The following BCL9 variants were observed in gnomAD, a reference collection of about 807,000 sequenced individuals.
BCL9 encodes the protein BCL9 transcription coactivator, also known as B-cell CLL/lymphoma 9 protein.
A neutral mutation model predicts 88.5 loss-of-function variants in BCL9; 25 were observed. That is an observed-to-expected ratio of 0.28 (90% CI 0.21 to 0.39). The LOEUF is 0.39. BCL9 is among the 10% of genes least tolerant of loss of function. BCL9 has a pLI of 1.00. For synonymous variants in BCL9, 711 were observed against 673.3 expected, an observed-to-expected ratio of 1.06 and a Z score of -0.87; for missense variants, 1,817 against 1,877.8, an observed-to-expected ratio of 0.97 and a Z score of 0.60.
intron 9 of BCL9, among the ~76,000 whole-genome samples, chr1:147,623,129 C>T (rs1342663052): frequency 6.6e-6 from 1 of 151,868 alleles, no homozygotes; most frequent in Non-Finnish European, 1.5e-5. Flanking sequence ...CATGACTTTT[C>T]AGCCATGAGT....
chr1:147,621,866 G>C (rs1282676720), intron 8 of BCL9, among the ~76,000 whole-genome samples: 1 of 151,926 alleles, frequency 6.6e-6, no homozygotes, highest in Non-Finnish European at 1.5e-5. Flanking sequence ...TTAGTACCTG[G>C]GATCATATCA....
intron 1 of BCL9, among the ~76,000 whole-genome samples, chr1:147,553,534 C>G (rs1273451597): frequency 1.3e-5 from 2 of 152,190 alleles, no homozygotes; most frequent in Non-Finnish European, 2.9e-5. Context: ...ACCTCTGCAT[C>G]TCCAAGAGCA....
At chr1:147,609,685 G>C (rs1254490479) in intron 3 of BCL9, among the ~76,000 whole-genome samples, 1 of 152,234 alleles carries the variant, frequency 6.6e-6, no homozygotes, top group Non-Finnish European at 1.5e-5. Context: ...ATGCTTGGCA[G>C]ATTAATGAGG....
At chr1:147,570,459 C>T (rs1655826901) in intron 1 of BCL9, among the ~76,000 whole-genome samples, 1 of 152,088 alleles carries the variant, frequency 6.6e-6, no homozygotes, top group South Asian at 2.1e-4. Flanking sequence ...TTGGCGAAAG[C>T]AGTTTCTATG....
At chr1:147,571,847 C>T (rs1040590522) in intron 1 of BCL9, among the ~76,000 whole-genome samples, 17 of 152,174 alleles carry the variant, frequency 1.1e-4, no homozygotes, top group African/African-American at 3.9e-4. Context: ...CTTGGTTTTG[C>T]CCCAAACTCC....
intron 1 of BCL9, among the ~76,000 whole-genome samples, chr1:147,581,211 C>T (rs1423397673): frequency 6.6e-6 from 1 of 152,168 alleles, no homozygotes; most frequent in East Asian, 1.9e-4. Flanking sequence ...TCCTTATTGG[C>T]TTCTTCTTAG....
At chr1:147,599,880 GAGGGGGACGAGCGACTTTCCCTGA>G (rs2101587331) in intron 1 of BCL9, among the ~76,000 whole-genome samples, 1 of 151,676 alleles carries the variant, frequency 6.6e-6, no homozygotes, top group Admixed American at 6.5e-5. Context: ...CGCGTCTGGG[GAGGGGGACGAGCGACTTTCCCTGA>G]AGGGGCACGA....
intron 7 of BCL9, among the ~76,000 whole-genome samples, chr1:147,616,369 T>C (rs1658285590): frequency 6.6e-6 from 1 of 152,266 alleles, no homozygotes; most frequent in Non-Finnish European, 1.5e-5. Flanking sequence ...TTCAAAGTGA[T>C]AAGACCATTG....
At chr1:147,597,240 C>T (rs1351142336) in intron 1 of BCL9, among the ~76,000 whole-genome samples, 6 of 152,120 alleles carry the variant, frequency 3.9e-5, no homozygotes, top group African/African-American at 9.7e-5. Flanking sequence ...CACTTGTTGC[C>T]TCAACTTGAA....
intron 1 of BCL9, among the ~76,000 whole-genome samples, chr1:147,589,630 G>T (rs587696545): frequency 6.6e-6 from 1 of 152,248 alleles, no homozygotes; most frequent in Non-Finnish European, 1.5e-5. Flanking sequence ...TAGCAAAGGG[G>T]TTTTGAGGTA....
In BCL9 at chr1:147,621,649, C is replaced by T. The variant is rs140640877; in HGVS notation, c.2902+592C>T. Reference sequence around the variant, plus strand: ...TAGAGGTGGTCAGTGGAAGTAGTGCCAAGGTGTAAATACTAGGTTGGTGCT... The same window carrying T: ...TAGAGGTGGTCAGTGGAAGTAGTGCTAAGGTGTAAATACTAGGTTGGTGCT... On this transcript the variant is annotated intron_variant, in intron 8 of 9. Transcript: ENST00000234739. 6.9e-3 allele frequency among the ~76,000 whole-genome samples: 1,052 copies of T among 152,236 alleles called. 5 individuals are homozygous for T. Among genetic ancestry groups the T allele is most frequent in the Non-Finnish European group, 0.013 (879 of 68,026 alleles).
rs1289779363 is a variant in BCL9, at chr1:147,625,257, C to T, written c.*298C>T. ...ATCTGTAGCTGTGCTTTGAGAATTG[C>T]CATCGGTCATGTGTTGCACCGTTCT... On this transcript the variant is annotated 3_prime_UTR_variant, in exon 10 of 10. Coordinates refer to ENST00000234739, the MANE Select transcript of BCL9 (RefSeq NM_004326.4). 2 of 380,656 alleles carry T rather than the reference C, an allele frequency of 5.3e-6. No homozygotes were observed. The highest frequency in any genetic ancestry group is 9.6e-6 in the Non-Finnish European group (2 of 209,160). 23.6% of individuals were successfully genotyped at this position (380,656 alleles called of 1,614,324 possible).
chr1:147,589,347 T>C (rs1241391079), intron 1 of BCL9, among the ~76,000 whole-genome samples: 1 of 152,244 alleles, frequency 6.6e-6, no homozygotes, highest in East Asian at 1.9e-4. Flanking sequence ...TATTGAGGTA[T>C]AATTTACAAA....
chr1:147,601,115 G>T (rs1657368411), intron 1 of BCL9, among the ~76,000 whole-genome samples: 1 of 152,186 alleles, frequency 6.6e-6, no homozygotes, highest in Non-Finnish European at 1.5e-5. Context: ...AAGCATGAAG[G>T]AGGAGGCCAG....
intron 1 of BCL9, among the ~76,000 whole-genome samples, chr1:147,561,399 T>C (rs1553196083): frequency 6.6e-6 from 1 of 152,182 alleles, no homozygotes; most frequent in African/African-American, 2.4e-5. Flanking sequence ...ATCCATTCCA[T>C]GTAAAACAAT....
At chr1:147,587,069 AC>A (rs1413503808) in intron 1 of BCL9, among the ~76,000 whole-genome samples, 1 of 146,820 alleles carries the variant, frequency 6.8e-6, no homozygotes, top group Admixed American at 6.8e-5. Flanking sequence ...CTCTCTCCCC[AC>A]CCAACCCCGT....
At chr1:147,609,297 G>A (rs782172409) in intron 3 of BCL9, among the ~76,000 whole-genome samples, 21 of 152,160 alleles carry the variant, frequency 1.4e-4, no homozygotes, top group Non-Finnish European at 1.9e-4. Flanking sequence ...TTGCTCAGTC[G>A]TTTTTATCAT....
rs1553205131 is a variant in BCL9, at chr1:147,620,707, C to T, written c.2552C>T (p.Ala851Val). 6.2e-7 allele frequency: 1 copy of T among 1,614,170 alleles called. No individual in the cohort carries two copies. The highest frequency in any genetic ancestry group is 1.3e-5 in the African/African-American group (1 of 75,050). Residue 851 changes from alanine to valine, a missense_variant, in exon 8 of 10, where the codon GCA (alanine) becomes GTA (valine). Physicochemically the swap from Ala to Val is moderately conservative, Grantham distance 64. Transcript: ENST00000234739. ...CGGAAGCCCTTGGATATATCTGTGG[C>T]AGGCAGCCAGGTGCATTCCCCAGGC... The part of the protein sequence containing the change: ...LGRKPLDISV[A>V]GSQVHSPGIN...
chr1:147,559,901 G>A lies in BCL9; in HGVS notation c.-478+18227G>A, dbSNP rs2101495949. The stretch of plus-strand genomic sequence containing the variant: ...ACAGTTGTTGGGTCCTGAAGGCCAG[G>A]AACTAAGACCCAGAGAAAACAGAGA... On this transcript the variant is annotated intron_variant, in intron 1 of 9. Transcript: ENST00000234739. 2.0e-5 allele frequency among the ~76,000 whole-genome samples: 3 copies of A among 152,236 alleles called. No individual in the cohort carries two copies. In the South Asian group the frequency reaches 6.2e-4, roughly 32 times the overall value.
Sources: allele counts gnomAD v4.1 joint callset (sites outside exome capture counted in the v4.1 genomes callset), GRCh38; gene constraint gnomAD v4.1.1; transcripts MANE v1.5; gene names NCBI Gene and HGNC (gene_info 2026-07-23, HGNC 2026-07-21).